Variants in MANBA observed in about 807,000 individuals in gnomAD.
MANBA encodes the protein beta-mannosidase.
MANBA carries 83 observed loss-of-function variants against 111.1 expected under a neutral mutation model. The ratio of observed to expected loss-of-function variants is 0.75; its 90% confidence interval spans 0.63 to 0.90. The LOEUF (loss-of-function observed/expected upper bound fraction) is 0.90, where lower values mean the gene tolerates loss of function less well. Ranked by LOEUF, MANBA falls within the 40% of genes least tolerant of loss-of-function variation. The pLI, the probability that MANBA is intolerant of heterozygous loss-of-function variation, is 0.00. For synonymous variants in MANBA, 370 were observed against 378.7 expected, an observed-to-expected ratio of 0.98 and a Z score of 0.27; for missense variants, 1,036 against 1,069.0, an observed-to-expected ratio of 0.97 and a Z score of 0.43.
chr4:102,670,400 C>A (rs1490241939), intron 9 of MANBA, among the ~76,000 whole-genome samples: 4 of 151,984 alleles, frequency 2.6e-5, no homozygotes, highest in African/African-American at 9.7e-5. Flanking sequence ...ATATTGTCAT[C>A]GTCACAATGA....
At chr4:102,691,401 A>G (rs559273464) in intron 5 of MANBA, among the ~76,000 whole-genome samples, 6 of 152,254 alleles carry the variant, frequency 3.9e-5, no homozygotes, top group Non-Finnish European at 8.8e-5. Context: ...TCAAAAGCAT[A>G]ATAATATCAG....
chr4:102,688,498 C>T (rs1231790560), intron 7 of MANBA, among the ~76,000 whole-genome samples: 2 of 151,970 alleles, frequency 1.3e-5, no homozygotes, highest in Admixed American at 6.6e-5. Flanking sequence ...ATATCTCCAT[C>T]CTTAGCATGT....
intron 1 of MANBA, among the ~76,000 whole-genome samples, chr4:102,741,920 T>C (rs889667320): frequency 1.3e-5 from 2 of 152,204 alleles, no homozygotes; most frequent in African/African-American, 4.8e-5. Flanking sequence ...GTTTTTTTCC[T>C]GGTAAAGTGA....
At chr4:102,733,695 C>A (rs1293396280) in intron 1 of MANBA, among the ~76,000 whole-genome samples, 1 of 152,126 alleles carries the variant, frequency 6.6e-6, no homozygotes, top group Non-Finnish European at 1.5e-5. Flanking sequence ...AGAAAAGTAA[C>A]CTGAAGTAAT....
intron 7 of MANBA, among the ~76,000 whole-genome samples, chr4:102,688,298 C>T (rs1474305316): frequency 2.1e-5 from 3 of 140,622 alleles, no homozygotes; most frequent in East Asian, 3.9e-4. Context: ...TGCGCGCGCA[C>T]ACACACACAC....
At chr4:102,643,584 T>G (rs1197003618) in intron 13 of MANBA, among the ~76,000 whole-genome samples, 1 of 152,204 alleles carries the variant, frequency 6.6e-6, no homozygotes, top group Non-Finnish European at 1.5e-5. Context: ...TTTAAAAATT[T>G]GTAGATATTG....
chr4:102,655,884 T>C (rs1056529640), intron 12 of MANBA, among the ~76,000 whole-genome samples: 1 of 152,218 alleles, frequency 6.6e-6, no homozygotes, highest in African/African-American at 2.4e-5. Flanking sequence ...TTGCAAATCA[T>C]ATACCTGATA....
At chr4:102,739,265 A>C (rs1376716043) in intron 1 of MANBA, among the ~76,000 whole-genome samples, 1 of 152,168 alleles carries the variant, frequency 6.6e-6, no homozygotes, top group African/African-American at 2.4e-5. Context: ...AGAAATAGAA[A>C]CTCTCAACAG....
intron 1 of MANBA, among the ~76,000 whole-genome samples, chr4:102,743,765 C>T (rs1271026214): frequency 6.6e-6 from 1 of 152,214 alleles, no homozygotes; most frequent in Non-Finnish European, 1.5e-5. Context: ...TCAGGTCACA[C>T]AGTGACTTGA....
At chr4:102,750,755 A>G (rs1296356498) in intron 1 of MANBA, among the ~76,000 whole-genome samples, 2 of 152,250 alleles carry the variant, frequency 1.3e-5, no homozygotes, top group Non-Finnish European at 1.5e-5. Flanking sequence ...TCTACAAAAA[A>G]GAAACAAATT....
chr4:102,754,074 C>G, intron 1 of MANBA: 1 of 269,160 alleles, frequency 3.7e-6, no homozygotes, highest in South Asian at 2.9e-5. Context: ...TTAGAAATGC[C>G]CATGTCACCA....
intron 7 of MANBA, among the ~76,000 whole-genome samples, chr4:102,679,863 G>A (rs941993264): frequency 1.3e-5 from 2 of 151,656 alleles, no homozygotes; most frequent in Non-Finnish European, 2.9e-5. Context: ...AAAAAATGCA[G>A]TCATATCCAT....
chr4:102,676,938 TC>T (rs1731755337), intron 7 of MANBA, among the ~76,000 whole-genome samples: 2 of 152,248 alleles, frequency 1.3e-5, no homozygotes, highest in Middle Eastern at 3.4e-3. Flanking sequence ...AAAAACAGTT[TC>T]ACTTAAGACT....
In MANBA at chr4:102,631,104, CTTTGTGTGTGTGTG is replaced by C. The variant is rs1459178278; in HGVS notation, c.*939_*952del. Reference sequence around the variant, plus strand: ...AAGTCCCCTTATCCCCTTGATAAGGCTTTGTGTGTGTGTGTGTGTGTGTGTGTGTGTGTGTGTGT... The same window carrying C: ...AAGTCCCCTTATCCCCTTGATAAGGCTGTGTGTGTGTGTGTGTGTGTGTGT... On this transcript the variant is annotated 3_prime_UTR_variant, in exon 17 of 17. Transcript: ENST00000647097. 2,079 of 138,830 alleles carry C rather than the reference CTTTGTGTGTGTGTG, an allele frequency of 0.015. 56 individuals are homozygous for C. Among genetic ancestry groups the C allele is most frequent in the African/African-American group, 0.044 (1,593 of 36,538 alleles). 8.6% of individuals were successfully genotyped at this position (138,830 alleles called of 1,614,324 possible).
At chr4:102,732,942 T>G (rs988131842) in intron 1 of MANBA, among the ~76,000 whole-genome samples, 2 of 152,222 alleles carry the variant, frequency 1.3e-5, no homozygotes, top group African/African-American at 4.8e-5. Flanking sequence ...GCCCGGGGGC[T>G]GGCTGATGAT....
At chr4:102,730,480 C>T in intron 1 of MANBA, 1 of 522,372 alleles carries the variant, frequency 1.9e-6, no homozygotes, top group Non-Finnish European at 3.7e-6. Context: ...GGGGCGGTTC[C>T]TGGGGCAGCT....
chr4:102,716,972 A>G lies in MANBA; in HGVS notation c.550-2411T>C, dbSNP rs971734393. 2.0e-5 allele frequency among the ~76,000 whole-genome samples: 3 copies of G among 152,242 alleles called. No homozygotes were observed. The East Asian group carries it at 5.8e-4, about 29-fold the overall frequency. On this transcript the variant is annotated intron_variant, in intron 4 of 16. Coordinates refer to ENST00000647097, the MANE Select transcript of MANBA (RefSeq NM_005908.4). Reference sequence around the variant, plus strand: ...CACATCTGTCTAAATTTACCACTTAAGCACCAGATTCTCATATTCAGAATG... The same window carrying G: ...CACATCTGTCTAAATTTACCACTTAGGCACCAGATTCTCATATTCAGAATG...
At chr4:102,655,629 C>G (rs910344610) in intron 12 of MANBA, among the ~76,000 whole-genome samples, 4 of 152,164 alleles carry the variant, frequency 2.6e-5, no homozygotes, top group African/African-American at 9.7e-5. Flanking sequence ...CTCCTACCTT[C>G]TACCATACAT....
intron 12 of MANBA, chr4:102,650,902 A>G: frequency 1.7e-6 from 1 of 572,326 alleles, no homozygotes; most frequent in Non-Finnish European, 3.1e-6. Context: ...GAATCACAAA[A>G]CCAGGGTTTG....
Sources: gnomAD v4.1 joint callset for allele counts (sites outside exome capture counted in the v4.1 genomes callset) on GRCh38, gnomAD v4.1.1 for gene constraint, MANE v1.5 for transcripts, NCBI Gene and HGNC (gene_info 2026-07-23, HGNC 2026-07-21) for gene names.